The following MBD5 variants were observed in gnomAD, a reference collection of about 807,000 sequenced individuals.
MBD5 encodes the protein methyl-CpG binding domain protein 5, also known as methyl-CpG-binding domain protein 5.
In MBD5, 13 loss-of-function variants were observed where a neutral mutation model predicts 117.3. The ratio of observed to expected loss-of-function variants is 0.11; its 90% confidence interval spans 0.07 to 0.18. The LOEUF (loss-of-function observed/expected upper bound fraction) is 0.18, where lower values mean the gene tolerates loss of function less well. Ranked by LOEUF, MBD5 falls within the 10% of genes least tolerant of loss-of-function variation. The pLI is 1.00. For missense variants in MBD5, 1,879 were observed against 2,093.8 expected, an observed-to-expected ratio of 0.90 and a Z score of 2.00; for synonymous variants, 727 against 766.4, an observed-to-expected ratio of 0.95 and a Z score of 0.85.
chr2:148,133,680 A>G (rs1243421825), intron 1 of MBD5, among the ~76,000 whole-genome samples: 1 of 152,096 alleles, frequency 6.6e-6, no homozygotes, highest in Non-Finnish European at 1.5e-5. Context: ...AAAATTAGCC[A>G]GGCATGGTGG....
chr2:148,216,131 G>A (rs1285071848), intron 2 of MBD5, among the ~76,000 whole-genome samples: 1 of 152,140 alleles, frequency 6.6e-6, no homozygotes, highest in African/African-American at 2.4e-5. Flanking sequence ...GGGAAGGGAG[G>A]GAACAAAGAT....
At chr2:148,326,593 G>A (rs1702459160) in intron 3 of MBD5, among the ~76,000 whole-genome samples, 1 of 152,006 alleles carries the variant, frequency 6.6e-6, no homozygotes, top group Non-Finnish European at 1.5e-5. Context: ...TTGAGTAATG[G>A]CCTTCTTTGT....
At chr2:148,427,977 A>G (rs1018715624) in intron 4 of MBD5, among the ~76,000 whole-genome samples, 3 of 152,132 alleles carry the variant, frequency 2.0e-5, no homozygotes, top group Non-Finnish European at 4.4e-5. Context: ...TCAACATAGT[A>G]TTGGAAGTGT....
Position 148,489,337 on chromosome 2 carries a change from C to CT in MBD5, c.3754-48dup, listed in dbSNP as rs111476224. On this transcript the variant is annotated intron_variant, in intron 10 of 13. Coordinates refer to ENST00000642680, the MANE Select transcript of MBD5 (RefSeq NM_001378120.1). Reference sequence around the variant, plus strand: ...AAATTATAGTCTTTCTCTTTGAGGCCTCAAAATTATTTCCCTTTCTCTCAC... The same window carrying CT: ...AAATTATAGTCTTTCTCTTTGAGGCCTTCAAAATTATTTCCCTTTCTCTCAC... 0.08 allele frequency: 128,332 copies of CT among 1,611,166 alleles called. 5,907 individuals are homozygous for CT. Among genetic ancestry groups the CT allele is most frequent in the East Asian group, 0.17 (7,419 of 44,834 alleles).
At chr2:148,156,837 A>G (rs1437221450) in intron 1 of MBD5, among the ~76,000 whole-genome samples, 1 of 152,206 alleles carries the variant, frequency 6.6e-6, no homozygotes, top group Non-Finnish European at 1.5e-5. Context: ...AGTGCTCAGC[A>G]CACTTGTTAT....
chr2:148,121,526 C>T (rs1204164144), intron 1 of MBD5, among the ~76,000 whole-genome samples: 1 of 151,786 alleles, frequency 6.6e-6, no homozygotes, highest in Admixed American at 6.6e-5. Flanking sequence ...ATTCAAGAAA[C>T]CATTATTCAA....
chr2:148,120,009 A>G (rs1035032313), intron 1 of MBD5, among the ~76,000 whole-genome samples: 1 of 151,842 alleles, frequency 6.6e-6, no homozygotes, highest in African/African-American at 2.4e-5. Flanking sequence ...CTCAATGTCC[A>G]GGGCTCAAGC....
At chr2:148,448,313 T>C (rs1706628589) in intron 4 of MBD5, among the ~76,000 whole-genome samples, 1 of 152,088 alleles carries the variant, frequency 6.6e-6, no homozygotes, top group South Asian at 2.1e-4. Context: ...CCCGATACTT[T>C]ATTAGACTGT....
At chr2:148,213,790 G>A (rs1699486814) in intron 2 of MBD5, among the ~76,000 whole-genome samples, 1 of 151,926 alleles carries the variant, frequency 6.6e-6, no homozygotes, top group Admixed American at 6.6e-5. Flanking sequence ...CAAATTTATA[G>A]ACATCAAAGA....
chr2:148,296,677 G>A (rs1701658474), intron 3 of MBD5: 1 of 156,986 alleles, frequency 6.4e-6, no homozygotes, highest in African/African-American at 2.4e-5. Flanking sequence ...CAGGGGAGGA[G>A]AGAAGCTAGG....
At chr2:148,205,452 T>C (rs1699254106) in intron 2 of MBD5, among the ~76,000 whole-genome samples, 1 of 152,052 alleles carries the variant, frequency 6.6e-6, no homozygotes, top group African/African-American at 2.4e-5. Context: ...ATCAGCATAA[T>C]TTAACAATAC....
intron 3 of MBD5, among the ~76,000 whole-genome samples, chr2:148,310,218 T>A (rs1351074220): frequency 6.6e-6 from 1 of 152,220 alleles, no homozygotes; most frequent in Non-Finnish European, 1.5e-5. Flanking sequence ...TCAGAAGGAA[T>A]GGTACCAGCT....
chr2:148,504,469 T>C (rs1183902997), intron 12 of MBD5, among the ~76,000 whole-genome samples: 3 of 152,212 alleles, frequency 2.0e-5, no homozygotes, highest in African/African-American at 7.2e-5. Flanking sequence ...ATAAATTATA[T>C]GTTGAACCAA....
rs116685744 is a variant in MBD5, at chr2:148,029,085, T to C, written c.-925+7401T>C. ...AGTTTACTATGTATCAGAAAGCTCTTACTAGCTACAAATATCACTAATAGT... is the reference window on the plus strand; with the variant it reads ...AGTTTACTATGTATCAGAAAGCTCTCACTAGCTACAAATATCACTAATAGT... On this transcript the variant is annotated intron_variant, in intron 1 of 13. Coordinates refer to ENST00000642680, the MANE Select transcript of MBD5 (RefSeq NM_001378120.1). Among the ~76,000 whole-genome samples, 1,176 of 152,266 alleles carry C rather than the reference T, an allele frequency of 7.7e-3. 24 individuals are homozygous for C. Among genetic ancestry groups the C allele is most frequent in the African/African-American group, 0.027 (1,102 of 41,578 alleles).
At chr2:148,265,872 T>TAC (rs1700845668) in intron 3 of MBD5, among the ~76,000 whole-genome samples, 1 of 152,074 alleles carries the variant, frequency 6.6e-6, no homozygotes, top group South Asian at 2.1e-4. Flanking sequence ...TTGTGGAGTT[T>TAC]ACATTCTAGG....
At chr2:148,328,449 G>A (rs1702530105) in intron 3 of MBD5, among the ~76,000 whole-genome samples, 1 of 152,230 alleles carries the variant, frequency 6.6e-6, no homozygotes, top group Non-Finnish European at 1.5e-5. Context: ...CCTCGCTGCT[G>A]CCTTGCAGTT....
chr2:148,070,660 T>G (rs553684654), intron 1 of MBD5, among the ~76,000 whole-genome samples: 53 of 152,318 alleles, frequency 3.5e-4, no homozygotes, highest in Non-Finnish European at 6.5e-4. Flanking sequence ...CATGCCATTC[T>G]GATACTACCT....
chr2:148,205,815 C>T (rs1173268709), intron 2 of MBD5, among the ~76,000 whole-genome samples: 1 of 152,044 alleles, frequency 6.6e-6, no homozygotes, highest in Non-Finnish European at 1.5e-5. Flanking sequence ...CCCTTGAGCC[C>T]AGGAGTTTGA....
At chr2:148,345,180 ATGTG>A (rs1271920032) in intron 4 of MBD5, among the ~76,000 whole-genome samples, 4 of 150,628 alleles carry the variant, frequency 2.7e-5, no homozygotes, top group Admixed American at 6.7e-5. Flanking sequence ...GGATATATAT[ATGTG>A]TGTGTGTGTG....
Sources: allele counts gnomAD v4.1 joint callset (sites outside exome capture counted in the v4.1 genomes callset), GRCh38; gene constraint gnomAD v4.1.1; transcripts MANE v1.5; gene names NCBI Gene and HGNC (gene_info 2026-07-23, HGNC 2026-07-21).